Variants in PRORP observed in about 807,000 individuals in gnomAD.
PRORP encodes mitochondrial ribonuclease P catalytic subunit.
Under a neutral mutation model 59.4 loss-of-function variants are expected in PRORP, and 51 were observed. The observed-to-expected ratio is 0.86, with a 90% CI of 0.69 to 1.08. The LOEUF is 1.08. Among genes scored for constraint, PRORP ranks in the 50% least tolerant of loss-of-function variants. PRORP has a pLI of 0.00. For missense variants in PRORP, 646 were observed against 690.3 expected, an observed-to-expected ratio of 0.94 and a Z score of 0.72; for synonymous variants, 231 against 245.6, an observed-to-expected ratio of 0.94 and a Z score of 0.55.
chr14:35,139,586 G>A (rs2047439946), intron 4 of PRORP, among the ~76,000 whole-genome samples: 1 of 144,824 alleles, frequency 6.9e-6, no homozygotes, highest in South Asian at 2.2e-4. Context: ...TTTTATAATT[G>A]AGTAGTATTC....
At chr14:35,243,917 A>G (rs1412275861) in intron 5 of PRORP, among the ~76,000 whole-genome samples, 1 of 151,902 alleles carries the variant, frequency 6.6e-6, no homozygotes. Context: ...AAAATGGAAG[A>G]CTCTTCTTTT....
intron 4 of PRORP, among the ~76,000 whole-genome samples, chr14:35,172,371 G>A (rs2048330965): frequency 6.7e-6 from 1 of 149,340 alleles, no homozygotes; most frequent in South Asian, 2.2e-4. Context: ...TATAGCTCTT[G>A]TCTGCTAACT....
intron 5 of PRORP, among the ~76,000 whole-genome samples, chr14:35,188,961 A>AAAAAAAGAAAG (rs1555326788): frequency 8.3e-5 from 11 of 132,762 alleles, no homozygotes; most frequent in South Asian, 2.3e-4. Context: ...AAAAAAAAAA[A>AAAAAAAGAAAG]AAAGTATTGC....
At chr14:35,134,623 C>T (rs759802492) in intron 4 of PRORP, among the ~76,000 whole-genome samples, 6 of 152,130 alleles carry the variant, frequency 3.9e-5, no homozygotes, top group Non-Finnish European at 7.3e-5. Flanking sequence ...ATGACTCTGA[C>T]CGGTACCCCA....
rs773150066 is a variant in PRORP, at chr14:35,240,074, C to CAA, written c.1276-26638_1276-26637dup. On this transcript the variant is annotated intron_variant, in intron 5 of 7. Coordinates refer to ENST00000534898, the MANE Select transcript of PRORP (RefSeq NM_014672.4). ...TGGGTGACAGAGTAAGACTCCATCT[C>CAA]AAAAAAAAAAAAAAAAGAAGAAGAA... 2.1e-3 allele frequency among the ~76,000 whole-genome samples: 226 copies of CAA among 107,194 alleles called. 3 individuals are homozygous for CAA. The highest frequency in any genetic ancestry group is 5.3e-3 in the Middle Eastern group (1 of 190). 70.3% of individuals were successfully genotyped at this position (107,194 alleles called of 152,430 possible).
chr14:35,242,181 T>C (rs1180345611), intron 5 of PRORP, among the ~76,000 whole-genome samples: 1 of 152,238 alleles, frequency 6.6e-6, no homozygotes, highest in Non-Finnish European at 1.5e-5. Context: ...AATCTTATGA[T>C]AGAAAGATCT....
rs748566935 is a variant in PRORP at position 35,188,016 on chromosome 14, A to G, written c.1275+7239A>G. 6.3e-4 allele frequency among the ~76,000 whole-genome samples: 92 copies of G among 146,724 alleles called. 2 individuals are homozygous for G. Among genetic ancestry groups the G allele is most frequent in the Non-Finnish European group, 1.0e-3 (67 of 66,694 alleles). On this transcript the variant is annotated intron_variant, in intron 5 of 7. Coordinates refer to ENST00000534898, the MANE Select transcript of PRORP (RefSeq NM_014672.4). ...CAGGCACGGCCACCACACCTGGCTA[A>G]TTTTTGTGTTTTTATTAGAGACAGG...
intron 5 of PRORP, among the ~76,000 whole-genome samples, chr14:35,211,529 T>A (rs2049446542): frequency 6.6e-6 from 1 of 152,200 alleles, no homozygotes; most frequent in Admixed American, 6.5e-5. Context: ...ATATTGCAAG[T>A]TTGGTTCCAA....
At chr14:35,161,182 A>G (rs2415265) in intron 4 of PRORP, among the ~76,000 whole-genome samples, 60,986 of 151,974 alleles carry the variant, frequency 0.4, 12,728 homozygotes, top group East Asian at 0.68. Flanking sequence ...TATTGGTAAA[A>G]CTTGTGGTAT....
At chr14:35,253,030 A>G (rs1334654498) in intron 5 of PRORP, among the ~76,000 whole-genome samples, 1 of 152,146 alleles carries the variant, frequency 6.6e-6, no homozygotes, top group Non-Finnish European at 1.5e-5. Flanking sequence ...CCATCCTTAA[A>G]AAAATTGAGA....
intron 5 of PRORP, among the ~76,000 whole-genome samples, chr14:35,220,261 T>C (rs1230434439): frequency 6.6e-6 from 1 of 152,254 alleles, no homozygotes; most frequent in Non-Finnish European, 1.5e-5. Flanking sequence ...TTTGTAGTCA[T>C]GACACATTCG....
At chr14:35,259,827 G>A (rs558288154) in intron 5 of PRORP, among the ~76,000 whole-genome samples, 57 of 152,040 alleles carry the variant, frequency 3.7e-4, no homozygotes, top group African/African-American at 1.1e-3. Flanking sequence ...CCCGGGAGGC[G>A]GAAGTTGCAG....
intron 4 of PRORP, among the ~76,000 whole-genome samples, chr14:35,151,532 T>TTCCCCTCTTTCCTTCATA (rs1368743564): frequency 4.6e-5 from 7 of 151,792 alleles, no homozygotes; most frequent in Admixed American, 3.3e-4. Flanking sequence ...TCATCCTTGA[T>TTCCCCTCTTTCCTTCATA]TCCCCTCTTT....
intron 5 of PRORP, among the ~76,000 whole-genome samples, chr14:35,248,290 C>G (rs2050532610): frequency 6.6e-6 from 1 of 152,162 alleles, no homozygotes; most frequent in South Asian, 2.1e-4. Flanking sequence ...GTGAGTCAGT[C>G]ATTAAATACT....
At chr14:35,149,882 C>T (rs974823509) in intron 4 of PRORP, among the ~76,000 whole-genome samples, 1 of 152,078 alleles carries the variant, frequency 6.6e-6, no homozygotes, top group African/African-American at 2.4e-5. Context: ...CAGAGTCTCA[C>T]TCTATCACCC....
At chr14:35,234,795 C>G (rs2050166943) in intron 5 of PRORP, among the ~76,000 whole-genome samples, 1 of 151,532 alleles carries the variant, frequency 6.6e-6, no homozygotes, top group Admixed American at 6.6e-5. Context: ...TCCTCCCACC[C>G]AGCTCCCAGA....
At chr14:35,245,988 G>T (rs894730019) in intron 5 of PRORP, among the ~76,000 whole-genome samples, 1 of 152,116 alleles carries the variant, frequency 6.6e-6, no homozygotes, top group Non-Finnish European at 1.5e-5. Context: ...GCTGAAAATA[G>T]ATCTCAGGTT....
intron 5 of PRORP, among the ~76,000 whole-genome samples, chr14:35,192,553 C>T (rs922730918): frequency 6.6e-6 from 1 of 152,214 alleles, no homozygotes; most frequent in Non-Finnish European, 1.5e-5. Context: ...CTAAAAGTCT[C>T]CATGACTCAT....
At chr14:35,158,923 G>GT (rs1182151424) in intron 4 of PRORP, 3 of 321,590 alleles carry the variant, frequency 9.3e-6, no homozygotes, top group East Asian at 9.0e-5. Context: ...TCCCACCACC[G>GT]TAAGTGTGAA....
Sources: allele counts gnomAD v4.1 joint callset (sites outside exome capture counted in the v4.1 genomes callset), GRCh38; gene constraint gnomAD v4.1.1; transcripts MANE v1.5; gene names NCBI Gene and HGNC (gene_info 2026-07-23, HGNC 2026-07-21).